Variants in TET3 observed in about 807,000 individuals in gnomAD.
The protein encoded by TET3 is tet methylcytosine dioxygenase 3, also known as methylcytosine dioxygenase TET3.
In TET3, 19 loss-of-function variants were observed where a neutral mutation model predicts 141.4. The observed-to-expected ratio is 0.13, with a 90% CI of 0.09 to 0.20. TET3 has a LOEUF of 0.20. TET3 is among the 10% of genes least tolerant of loss of function. TET3 has a pLI of 1.00. For missense variants in TET3, 1,874 were observed against 2,356.9 expected (o/e 0.80, Z 4.24); for synonymous variants, 1,043 against 980.9 (o/e 1.06, Z -1.18).
At position 74,102,454 on chromosome 2, in the gene TET3, C is replaced by A. The variant is rs574584394; in HGVS notation, c.*278C>A. ...TATTTATATCTCCAAGTTGTCCCCCCCCCTTGTCTGGGGGGTTTTTATTTT... is the reference window on the plus strand; with the variant it reads ...TATTTATATCTCCAAGTTGTCCCCCACCCTTGTCTGGGGGGTTTTTATTTT... On this transcript the variant is annotated 3_prime_UTR_variant, in exon 12 of 12. Transcript: ENST00000409262. 8.3e-5 allele frequency: 25 copies of A among 299,964 alleles called. No homozygotes were observed. Among genetic ancestry groups the A allele is most frequent in the Admixed American group, 1.6e-4 (3 of 19,342 alleles). 18.6% of individuals were successfully genotyped at this position (299,964 alleles called of 1,614,324 possible).
At position 74,100,269 on chromosome 2, in the gene TET3, G is replaced by C. The variant is rs1464044143; in HGVS notation, c.3605-124G>C. 2.8e-6 allele frequency: 3 copies of C among 1,073,054 alleles called. No individual in the cohort carries two copies. In the South Asian group the frequency reaches 4.6e-5, roughly 17 times the overall value. 66.5% of individuals were successfully genotyped at this position (1,073,054 alleles called of 1,614,324 possible). ...CTGGACATGCCTCAGCACCTCACCTGCCTGTCCCAAAAGAGGAAACATCCC... is the reference window on the plus strand; with the variant it reads ...CTGGACATGCCTCAGCACCTCACCTCCCTGTCCCAAAAGAGGAAACATCCC... On this transcript the variant is annotated intron_variant, in intron 11 of 11. Coordinates refer to ENST00000409262, the MANE Select transcript of TET3 (RefSeq NM_001287491.2).
intron 4 of TET3, among the ~76,000 whole-genome samples, chr2:74,052,077 T>G (rs1317514596): frequency 6.6e-6 from 1 of 152,178 alleles, no homozygotes; most frequent in Non-Finnish European, 1.5e-5. Context: ...CCTCCTGGGT[T>G]CAAGCAGTTC....
the TET3 span, among the ~76,000 whole-genome samples, chr2:74,115,645 A>G: frequency 6.6e-6 from 1 of 152,326 alleles, no homozygotes; most frequent in East Asian, 1.9e-4. Flanking sequence ...TTTAATGTTG[A>G]AGATGATTCA....
chr2:73,986,356 C>T lies in TET3; in HGVS notation c.-48C>T. ...GGTGGCCTTTGGAGGTGGCAGGAAACGACTGTGGTTCTGCCCCAGCACCTA... is the reference window on the plus strand; with the variant it reads ...GGTGGCCTTTGGAGGTGGCAGGAAATGACTGTGGTTCTGCCCCAGCACCTA... On this transcript the variant is annotated 5_prime_UTR_variant, in exon 2 of 12. In the 5' UTR this introduces an upstream ATG that the reference lacks. Transcript: ENST00000409262. The T allele has an allele frequency of 4.9e-6, 6 of 1,230,678 alleles. No individual in the cohort carries two copies. Among genetic ancestry groups the T allele is most frequent in the Non-Finnish European group, 6.1e-6 (6 of 986,870 alleles). The allele number at this position is 1,230,678 out of a possible 1,614,324, so 76.2% of individuals were successfully genotyped here. A position where few individuals can be genotyped will look rare whatever the true frequency, so the allele number is the denominator to read the frequency against.
intron 2 of TET3, among the ~76,000 whole-genome samples, chr2:73,992,940 G>A (rs971919744): frequency 1.3e-5 from 2 of 152,160 alleles, no homozygotes; most frequent in African/African-American, 4.8e-5. Context: ...ATAAATGATG[G>A]CATCTCCTGC....
At position 74,080,528 on chromosome 2, in the gene TET3, C is replaced by G. The variant is rs1474311297; in HGVS notation, c.2616C>G (p.Ile872Met). The change falls in exon 6 of 12, where the codon ATC (isoleucine) becomes ATG (methionine). Residue 872 changes from isoleucine to methionine, a missense_variant. Transcript: ENST00000409262. The part of the protein sequence containing the change: ...RYGEKGKAIR[I>M]EKVIYTGKEG... ...GAGAGAAGGGGAAAGCCATCCGGAT[C>G]GAGAAGGTCATCTACACGGGGAAGG... 1.2e-6 allele frequency: 2 copies of G among 1,613,282 alleles called. No individual in the cohort carries two copies. The highest frequency in any genetic ancestry group is 1.7e-6 in the Non-Finnish European group (2 of 1,179,626).
intron 2 of TET3, among the ~76,000 whole-genome samples, chr2:73,987,197 G>C (rs906348826): frequency 2.6e-5 from 4 of 152,204 alleles, no homozygotes; most frequent in Non-Finnish European, 5.9e-5. Context: ...AGTTGAAACT[G>C]TTGGGGAATC....
intron 3 of TET3, among the ~76,000 whole-genome samples, chr2:74,030,040 G>C (rs555196509): frequency 3.9e-5 from 6 of 152,104 alleles, no homozygotes; most frequent in Non-Finnish European, 7.4e-5. Flanking sequence ...AAAATCAAAC[G>C]TCTAAAAAGT....
Position 74,047,546 on chromosome 2 carries a change from G to A in TET3, c.1629G>A (p.Val543=). Residue 543 remains valine (V), a synonymous_variant, in exon 4 of 12, where the codon GTG becomes GTA. Transcript: ENST00000409262. ...AGCGCAGCCTCTTCCTAGAACAGGT[G>A]CACGACACCTCCTTCCCTGCTCCTT... is the stretch of plus-strand genomic sequence containing the variant. ...HHKRSLFLEQ[V]HDTSFPAPSE... The A allele has an allele frequency of 3.1e-6, 5 of 1,613,724 alleles. No homozygotes were observed. Among genetic ancestry groups the A allele is most frequent in the Non-Finnish European group, 4.2e-6 (5 of 1,179,878 alleles).
At chr2:74,054,593 C>T (rs1688116438) in intron 4 of TET3, among the ~76,000 whole-genome samples, 1 of 152,142 alleles carries the variant, frequency 6.6e-6, no homozygotes, top group African/African-American at 2.4e-5. Flanking sequence ...ATCTTTTCAC[C>T]AGGCTGACTG....
At chr2:73,991,513 A>G (rs916075046) in intron 2 of TET3, among the ~76,000 whole-genome samples, 3 of 152,166 alleles carry the variant, frequency 2.0e-5, no homozygotes, top group African/African-American at 7.2e-5. Flanking sequence ...TTTGACTTAA[A>G]GTCATCTTAG....
At chr2:74,128,180 G>C in the TET3 span, among the ~76,000 whole-genome samples, 1 of 151,884 alleles carries the variant, frequency 6.6e-6, no homozygotes, top group Non-Finnish European at 1.5e-5. Flanking sequence ...ATAACTCAAG[G>C]CATTTTTTTT....
intron 2 of TET3, among the ~76,000 whole-genome samples, chr2:73,999,664 T>C (rs761911379): frequency 6.6e-6 from 1 of 152,006 alleles, no homozygotes; most frequent in Non-Finnish European, 1.5e-5. Flanking sequence ...GGGGTTGTGA[T>C]AGAAGATGGG....
rs1381119536 is a variant in TET3, at chr2:74,102,222, GTC to G, written c.*50_*51del. 3 of 1,401,204 alleles carry G rather than the reference GTC, an allele frequency of 2.1e-6. No homozygotes were observed. The highest frequency in any genetic ancestry group is 2.8e-6 in the Non-Finnish European group (3 of 1,075,786). The allele number at this position is 1,401,204 out of a possible 1,614,324, so 86.8% of individuals were successfully genotyped here. On this transcript the variant is annotated 3_prime_UTR_variant, in exon 12 of 12. Transcript: ENST00000409262. ...CTCAGCGTCGGGCCTGGCCCGAGCT[GTC>G]TCTGTGGTGCTTTTGCCCTCATACC...
intron 3 of TET3, among the ~76,000 whole-genome samples, chr2:74,020,484 C>CA (rs1685977501): frequency 6.6e-6 from 1 of 152,210 alleles, no homozygotes; most frequent in Admixed American, 6.5e-5. Flanking sequence ...TTGGTGTTTG[C>CA]ATTTTATATG....
chr2:74,054,594 A>G (rs1284031621), intron 4 of TET3, among the ~76,000 whole-genome samples: 8 of 152,200 alleles, frequency 5.3e-5, no homozygotes, highest in Admixed American at 5.2e-4. Context: ...TCTTTTCACC[A>G]GGCTGACTGT....
At chr2:74,080,730 A>C in intron 6 of TET3, 139 bp downstream of exon 6, 2 of 671,538 alleles carry the variant, frequency 3.0e-6, no homozygotes, top group Admixed American at 2.3e-5. Context: ...TGTGTAGGAG[A>C]CAACATGTTG....
downstream of TET3, among the ~76,000 whole-genome samples, chr2:74,111,281 C>CT (rs1165599072): frequency 8.5e-5 from 13 of 152,276 alleles, no homozygotes; most frequent in South Asian, 2.7e-3. Flanking sequence ...CAACTATGAC[C>CT]CTAATGCCAA....
chr2:74,089,188 C>G (rs1690337114), intron 7 of TET3, among the ~76,000 whole-genome samples: 1 of 152,050 alleles, frequency 6.6e-6, no homozygotes, highest in African/African-American at 2.4e-5. Flanking sequence ...TGGGCAGTCA[C>G]CGGTCTTGTT....
Sources: gnomAD v4.1 joint callset for allele counts (sites outside exome capture counted in the v4.1 genomes callset) on GRCh38, gnomAD v4.1.1 for gene constraint, MANE v1.5 for transcripts, NCBI Gene and HGNC (gene_info 2026-07-23, HGNC 2026-07-21) for gene names.